SLC16A7: variants seen among roughly 807,000 people sequenced by gnomAD.
SLC16A7 encodes the protein monocarboxylate transporter 2.
A neutral mutation model predicts 34.9 loss-of-function variants in SLC16A7; 33 were observed. The ratio of observed to expected loss-of-function variants is 0.94; its 90% CI spans 0.72 to 1.26. The LOEUF is 1.26. Among genes scored for constraint, SLC16A7 ranks in the 50% most tolerant of loss-of-function variants. The pLI, the probability that SLC16A7 is intolerant of heterozygous loss-of-function variation, is 0.00. For synonymous variants in SLC16A7, 201 were observed against 206.6 expected (o/e 0.97, Z 0.23); for missense variants, 573 against 578.1 (o/e 0.99, Z 0.09).
chr12:59,698,842 A>G (rs1872585931), intron 2 of SLC16A7, among the ~76,000 whole-genome samples: 1 of 151,770 alleles, frequency 6.6e-6, no homozygotes, highest in Non-Finnish European at 1.5e-5. Flanking sequence ...CTGTGATTCA[A>G]AAAGTGATTC....
At chr12:59,742,010 C>T (rs1486622353) in intron 3 of SLC16A7, among the ~76,000 whole-genome samples, 6 of 152,064 alleles carry the variant, frequency 3.9e-5, no homozygotes, top group Admixed American at 2.6e-4. Flanking sequence ...GAGATCCTAG[C>T]GGGTGATTTG....
At chr12:59,756,288 G>A (rs1880331959) in intron 3 of SLC16A7, among the ~76,000 whole-genome samples, 2 of 152,168 alleles carry the variant, frequency 1.3e-5, no homozygotes, top group African/African-American at 4.8e-5. Context: ...CTTCTGCAGA[G>A]CAAAACAAAC....
chr12:59,764,483 T>A (rs1171181466), intron 3 of SLC16A7, among the ~76,000 whole-genome samples: 1 of 69,632 alleles, frequency 1.4e-5, no homozygotes, highest in Non-Finnish European at 2.7e-5. Context: ...CCCTCCCCCC[T>A]CCCCCTCCAC....
chr12:59,636,415 A>T (rs1344678071), intron 1 of SLC16A7, among the ~76,000 whole-genome samples: 1 of 152,170 alleles, frequency 6.6e-6, no homozygotes, highest in Admixed American at 6.6e-5. Context: ...TTCAGGCAAC[A>T]TACTTTTTTT....
intron 1 of SLC16A7, among the ~76,000 whole-genome samples, chr12:59,644,213 T>G (rs186553609): frequency 6.6e-6 from 1 of 152,122 alleles, no homozygotes; most frequent in Non-Finnish European, 1.5e-5. Flanking sequence ...AGCAAAACTA[T>G]GTGAAACTTT....
intron 2 of SLC16A7, among the ~76,000 whole-genome samples, chr12:59,688,337 G>T (rs1192022209): frequency 6.6e-6 from 1 of 152,016 alleles, no homozygotes; most frequent in East Asian, 1.9e-4. Flanking sequence ...AGGAGTTCAT[G>T]AATGAAAGAT....
chr12:59,738,933 C>G (rs964033987), intron 3 of SLC16A7, among the ~76,000 whole-genome samples: 1 of 151,214 alleles, frequency 6.6e-6, no homozygotes, highest in African/African-American at 2.4e-5. Context: ...GGAGAACTTA[C>G]AGTTCTCCAA....
At chr12:59,660,887 T>C (rs553304076) in intron 2 of SLC16A7, among the ~76,000 whole-genome samples, 15 of 152,278 alleles carry the variant, frequency 9.9e-5, no homozygotes, top group Middle Eastern at 3.4e-3. Context: ...TATTTATATC[T>C]GGTTAATGAC....
At chr12:59,645,880 G>A (rs1046545456) in intron 1 of SLC16A7, among the ~76,000 whole-genome samples, 5 of 152,290 alleles carry the variant, frequency 3.3e-5, no homozygotes, top group African/African-American at 9.6e-5. Flanking sequence ...CTCAGATGGA[G>A]ATGAGGAACT....
chr12:59,626,854 C>G (rs1257130118), intron 1 of SLC16A7, among the ~76,000 whole-genome samples: 1 of 151,640 alleles, frequency 6.6e-6, no homozygotes, highest in African/African-American at 2.4e-5. Flanking sequence ...AATTTTTTGC[C>G]ACTGAGTAAA....
intron 4 of SLC16A7, among the ~76,000 whole-genome samples, chr12:59,771,892 GAA>G (rs1324453917): frequency 6.6e-6 from 1 of 152,028 alleles, no homozygotes; most frequent in Non-Finnish European, 1.5e-5. Flanking sequence ...TTTTCTTACT[GAA>G]ATGATCCTGT....
At chr12:59,733,198 T>C (rs908140092) in intron 3 of SLC16A7, among the ~76,000 whole-genome samples, 5 of 152,202 alleles carry the variant, frequency 3.3e-5, no homozygotes, top group Admixed American at 2.6e-4. Flanking sequence ...GTCCAAGTTT[T>C]GTTCAAGCCT....
chr12:59,712,138 A>G (rs1874292580), intron 3 of SLC16A7, among the ~76,000 whole-genome samples: 1 of 152,202 alleles, frequency 6.6e-6, no homozygotes, highest in South Asian at 2.1e-4. Context: ...AATAAACACC[A>G]AATACGATAC....
At chr12:59,705,405 T>C (rs1324425084) in intron 3 of SLC16A7, among the ~76,000 whole-genome samples, 1 of 152,166 alleles carries the variant, frequency 6.6e-6, no homozygotes, top group Non-Finnish European at 1.5e-5. Flanking sequence ...AAAATTTAAG[T>C]TGCTGACAGT....
chr12:59,617,665 A>G (rs1879515320), intron 1 of SLC16A7, among the ~76,000 whole-genome samples: 1 of 152,004 alleles, frequency 6.6e-6, no homozygotes, highest in Non-Finnish European at 1.5e-5. Flanking sequence ...TATATGGTTT[A>G]TTAAAATTTT....
intron 3 of SLC16A7, among the ~76,000 whole-genome samples, chr12:59,724,189 G>T (rs12301125): frequency 0.017 from 2,596 of 152,066 alleles, 55 homozygotes; most frequent in African/African-American, 0.058. Context: ...CAGAATACAG[G>T]TTTTGTGTGT....
At position 59,782,552 on chromosome 12, in the gene SLC16A7, C is replaced by G. The variant is rs1883320056; in HGVS notation, c.*2873C>G. The G allele has an allele frequency of 6.6e-6, 1 of 152,150 alleles. No homozygotes were observed. The highest frequency in any genetic ancestry group is 1.5e-5 in the Non-Finnish European group (1 of 68,030). The allele number at this position is 152,150 out of a possible 1,614,324, so 9.4% of individuals were successfully genotyped here. ...ATACCACTACAATCCCCACTAATCT[C>G]TATTCCCACATTATGAAATTGTACA... is the stretch of plus-strand genomic sequence containing the variant. On this transcript the variant is annotated 3_prime_UTR_variant, in exon 6 of 6. Coordinates refer to ENST00000547379, the MANE Select transcript of SLC16A7 (RefSeq NM_001270623.2).
Position 59,677,150 on chromosome 12 carries a change from G to A in SLC16A7, c.-31+21900G>A, listed in dbSNP as rs542872084. ...TAATGGAATCTAGGATGAGATCTTG[G>A]GAGTGCAGTCTTTTTGTGAACTGCA... On this transcript the variant is annotated intron_variant, in intron 2 of 5. Transcript: ENST00000547379. Among the ~76,000 whole-genome samples, 291 of 152,070 alleles carry A rather than the reference G, an allele frequency of 1.9e-3. 2 individuals are homozygous for A. The highest frequency in any genetic ancestry group is 5.7e-3 in the African/African-American group (236 of 41,454).
At chr12:59,748,124 G>T (rs1226852490) in intron 3 of SLC16A7, among the ~76,000 whole-genome samples, 1 of 152,114 alleles carries the variant, frequency 6.6e-6, no homozygotes, top group Non-Finnish European at 1.5e-5. Context: ...AATCGCAAGG[G>T]TTAATCGAGG....
Sources: allele counts gnomAD v4.1 joint callset (sites outside exome capture counted in the v4.1 genomes callset), GRCh38; gene constraint gnomAD v4.1.1; transcripts MANE v1.5; gene names NCBI Gene and HGNC (gene_info 2026-07-23, HGNC 2026-07-21).